MYOCD: variants seen among roughly 807,000 people sequenced by gnomAD.
MYOCD encodes myocardin.
Under a neutral mutation model 96.1 loss-of-function variants are expected in MYOCD, and 32 were observed. That is an observed-to-expected ratio of 0.33 (90% CI 0.25 to 0.45). The LOEUF is 0.45. Among genes scored for constraint, MYOCD ranks in the 20% least tolerant of loss-of-function variants. The pLI, the probability that MYOCD is intolerant of heterozygous loss-of-function variation, is 1.00. For missense variants in MYOCD, 1,133 were observed against 1,200.6 expected (o/e 0.94, Z 0.83); for synonymous variants, 469 against 469.0 (o/e 1.00, Z 0.00).
At chr17:12,741,253 G>A (rs1396068084) in intron 7 of MYOCD, among the ~76,000 whole-genome samples, 1 of 152,196 alleles carries the variant, frequency 6.6e-6, no homozygotes, top group Non-Finnish European at 1.5e-5. Flanking sequence ...CTTAAACCCA[G>A]CTGACAATTC....
chr17:12,674,386 G>T (rs1909888169), intron 1 of MYOCD, among the ~76,000 whole-genome samples: 2 of 151,982 alleles, frequency 1.3e-5, no homozygotes, highest in Admixed American at 1.3e-4. Flanking sequence ...CAAACTAGTT[G>T]TTTCTAGTAC....
At chr17:12,714,544 T>G (rs991916181) in intron 2 of MYOCD, among the ~76,000 whole-genome samples, 2 of 152,192 alleles carry the variant, frequency 1.3e-5, no homozygotes, top group African/African-American at 4.8e-5. Context: ...TAACTGCTAA[T>G]CAACCTCATC....
intron 1 of MYOCD, among the ~76,000 whole-genome samples, chr17:12,679,510 G>A (rs1256495205): frequency 6.6e-6 from 1 of 152,020 alleles, no homozygotes; most frequent in Non-Finnish European, 1.5e-5. Flanking sequence ...GTAGAGCCAG[G>A]ATTATTTTCT....
At chr17:12,705,253 A>G in intron 2 of MYOCD, 60 bp downstream of exon 2, 1 of 1,261,684 alleles carries the variant, frequency 7.9e-7, no homozygotes, top group Admixed American at 1.8e-5. Flanking sequence ...TGGGAGCTGG[A>G]AAGTGCCTCA....
Position 12,740,638 on chromosome 17 carries a change from C to G in MYOCD, c.717+1310C>G, listed in dbSNP as rs190200754. Among the ~76,000 whole-genome samples, 92 of 152,306 alleles carry G rather than the reference C, an allele frequency of 6.0e-4. 1 individual carries two copies. The highest frequency in any genetic ancestry group is 2.1e-3 in the African/African-American group (89 of 41,550). On this transcript the variant is annotated intron_variant, in intron 7 of 13. Transcript: ENST00000425538. ...CTCGTGCTTCTATAAACACCAGCAT[C>G]GCATCTCACAGTACACAGGCTGCTC...
chr17:12,680,187 AC>A (rs149718947), intron 1 of MYOCD, among the ~76,000 whole-genome samples: 2,466 of 152,256 alleles, frequency 0.016, 77 homozygotes, highest in African/African-American at 0.055. Context: ...CATAAAATAC[AC>A]CCTTTCTTCC....
intron 1 of MYOCD, among the ~76,000 whole-genome samples, chr17:12,681,230 G>T (rs950775025): frequency 4.6e-5 from 7 of 152,140 alleles, no homozygotes; most frequent in Non-Finnish European, 1.5e-5. Context: ...CATCCTCCCG[G>T]TGAGCATGTG....
At chr17:12,697,863 G>A (rs2030854131) in intron 1 of MYOCD, among the ~76,000 whole-genome samples, 1 of 152,114 alleles carries the variant, frequency 6.6e-6, no homozygotes, top group African/African-American at 2.4e-5. Flanking sequence ...TTATAAATCA[G>A]TAAGCAAAGG....
chr17:12,741,409 G>T (rs1408661744), intron 7 of MYOCD, among the ~76,000 whole-genome samples: 1 of 152,144 alleles, frequency 6.6e-6, no homozygotes, highest in African/African-American at 2.4e-5. Flanking sequence ...TTTAAATTTT[G>T]CATAATTTAA....
intron 7 of MYOCD, among the ~76,000 whole-genome samples, chr17:12,743,187 G>A (rs1475831126): frequency 6.6e-6 from 1 of 152,050 alleles, no homozygotes; most frequent in Non-Finnish European, 1.5e-5. Flanking sequence ...TGCAATACAT[G>A]CTTTGGGTTC....
chr17:12,754,086 G>A (rs898825845), intron 10 of MYOCD, among the ~76,000 whole-genome samples: 7 of 152,128 alleles, frequency 4.6e-5, no homozygotes, highest in Admixed American at 4.6e-4. Context: ...ATGTGTGTGT[G>A]TGTGTGTGTA....
intron 1 of MYOCD, among the ~76,000 whole-genome samples, chr17:12,697,097 C>T (rs981384709): frequency 6.6e-6 from 1 of 151,964 alleles, no homozygotes. Flanking sequence ...GGGACAGATA[C>T]AGGATGTCAC....
intron 2 of MYOCD, among the ~76,000 whole-genome samples, chr17:12,713,574 C>T (rs2031544596): frequency 6.6e-6 from 1 of 152,188 alleles, no homozygotes; most frequent in South Asian, 2.1e-4. Flanking sequence ...AGTAATTAAA[C>T]TACACTAATA....
At chr17:12,724,413 G>A (rs1018079424) in intron 5 of MYOCD, among the ~76,000 whole-genome samples, 4 of 152,026 alleles carry the variant, frequency 2.6e-5, no homozygotes, top group African/African-American at 7.2e-5. Flanking sequence ...GCATGTTCTC[G>A]CTTTACTGCT....
intron 11 of MYOCD, 109 bp from the exon 12 acceptor site, chr17:12,757,976 T>G (rs1193239637): frequency 2.5e-6 from 2 of 813,672 alleles, no homozygotes; most frequent in Non-Finnish European, 4.1e-6. Context: ...CTTTTCTTTT[T>G]TCCTCTTAGA....
intron 1 of MYOCD, among the ~76,000 whole-genome samples, chr17:12,671,049 C>G (rs989412744): frequency 3.3e-5 from 5 of 152,146 alleles, no homozygotes; most frequent in African/African-American, 1.2e-4. Context: ...ATTCATAGCT[C>G]TTATCACTAT....
At chr17:12,681,510 G>A (rs1371237155) in intron 1 of MYOCD, among the ~76,000 whole-genome samples, 1 of 152,174 alleles carries the variant, frequency 6.6e-6, no homozygotes, top group Admixed American at 6.5e-5. Flanking sequence ...GAGCCCATGC[G>A]TGAGGCTCAA....
At chr17:12,732,679 G>A (rs545022435) in intron 5 of MYOCD, among the ~76,000 whole-genome samples, 3 of 152,114 alleles carry the variant, frequency 2.0e-5, no homozygotes, top group East Asian at 3.9e-4. Flanking sequence ...GGAATGCTCC[G>A]TCCAGCCCTG....
At chr17:12,755,386 G>A (rs919438108) in intron 10 of MYOCD, among the ~76,000 whole-genome samples, 7 of 152,176 alleles carry the variant, frequency 4.6e-5, no homozygotes, top group Middle Eastern at 3.4e-3. Flanking sequence ...CGAGGTGGGC[G>A]GATCACAAGG....
Sources: gnomAD v4.1 joint callset for allele counts (sites outside exome capture counted in the v4.1 genomes callset) on GRCh38, gnomAD v4.1.1 for gene constraint, MANE v1.5 for transcripts, NCBI Gene and HGNC (gene_info 2026-07-23, HGNC 2026-07-21) for gene names.